The following PCDHGA8 variants were observed in gnomAD, a reference collection of about 807,000 sequenced individuals.
PCDHGA8 encodes the protein protocadherin gamma-A8.
In PCDHGA8, 45 loss-of-function variants were observed where a neutral mutation model predicts 59.2. The observed-to-expected ratio is 0.76, with a 90% CI of 0.60 to 0.98. The LOEUF (loss-of-function observed/expected upper bound fraction) is 0.98, where lower values mean the gene tolerates loss of function less well. Among genes scored for constraint, PCDHGA8 ranks in the 50% least tolerant of loss-of-function variants. The probability of loss-of-function intolerance (pLI) is 0.00; values close to 1 mark genes in which losing one functional copy is unlikely to be tolerated. For missense variants in PCDHGA8, 1,257 were observed against 1,196.2 expected, an observed-to-expected ratio of 1.05 and a Z score of -0.75; for synonymous variants, 531 against 519.0, an observed-to-expected ratio of 1.02 and a Z score of -0.32.
intron 1 of PCDHGA8, among the ~76,000 whole-genome samples, chr5:141,465,779 G>GT (rs879859429): frequency 0.017 from 2,504 of 144,598 alleles, 23 homozygotes; most frequent in Non-Finnish European, 0.024. Flanking sequence ...TCTTGTTACA[G>GT]TTTTTTTTTT....
At chr5:141,433,082 T>C in intron 1 of PCDHGA8, 1 of 1,614,188 alleles carries the variant, frequency 6.2e-7, no homozygotes. Flanking sequence ...CCAGCCCAAC[T>C]ATGCAGACAT....
chr5:141,493,206 C>A lies in PCDHGA8; in HGVS notation c.2425-1601C>A, dbSNP rs191090598. Among the ~76,000 whole-genome samples the A allele has an allele frequency of 2.4e-3, 368 of 152,322 alleles. 2 individuals carry two copies. Among genetic ancestry groups the A allele is most frequent in the Admixed American group, 4.5e-3 (69 of 15,296 alleles). On this transcript the variant is annotated intron_variant, in intron 1 of 3. Transcript: ENST00000398604. This position sits in a 1 kb window ranked among gnomAD's most constrained non-coding sequence, Gnocchi z 4.3. ...TATAACTCCTTTGAGAACCTCATCT[C>A]ATTTGCTCTTCCCACCATTGCTGTT...
intron 1 of PCDHGA8, chr5:141,413,798 AAG>A (rs914638812): frequency 2.7e-5 from 44 of 1,613,066 alleles, no homozygotes; most frequent in Non-Finnish European, 3.5e-5. Context: ...GATCGCGAGG[AAG>A]AGGCCATTCA....
chr5:141,511,560 T>C lies in PCDHGA8; in HGVS notation c.*387T>C. ...CCACCCCACTCCAACAGTTCCTCTT[T>C]CCCGAGTAAGGTGGTTGGGGTGTTG... On this transcript the variant is annotated 3_prime_UTR_variant, in exon 4 of 4. Coordinates refer to ENST00000398604, the MANE Select transcript of PCDHGA8 (RefSeq NM_032088.2). The C allele has an allele frequency of 3.3e-6, 1 of 298,990 alleles. No homozygotes were observed. The highest frequency in any genetic ancestry group is 3.7e-5 in the South Asian group (1 of 27,250). The allele number at this position is 298,990 out of a possible 1,614,324, so 18.5% of individuals were successfully genotyped here.
chr5:141,399,867 C>T (rs766258677), intron 1 of PCDHGA8: 17 of 1,612,738 alleles, frequency 1.1e-5, no homozygotes, highest in South Asian at 3.3e-5. Context: ...CTGCAGAGCC[C>T]GGCTACCTGG....
In PCDHGA8 at chr5:141,432,487, G is replaced by A; in HGVS notation, c.2424+37250G>A. On this transcript the variant is annotated intron_variant, in intron 1 of 3. Coordinates refer to ENST00000398604, the MANE Select transcript of PCDHGA8 (RefSeq NM_032088.2). This position sits in a 1 kb window ranked among gnomAD's most constrained non-coding sequence, Gnocchi z 6.0. ...CCACGGACGGTTCCACTGGCGTGGA[G>A]CTGGCTCCCCGCTCCGCAGAGCCCG... 1.2e-6 allele frequency: 2 copies of A among 1,614,208 alleles called. No homozygotes were observed. The highest frequency in any genetic ancestry group is 2.2e-5 in the East Asian group (1 of 44,874).
At chr5:141,463,844 G>T (rs545618795) in intron 1 of PCDHGA8, among the ~76,000 whole-genome samples, 1 of 152,140 alleles carries the variant, frequency 6.6e-6, no homozygotes, top group African/African-American at 2.4e-5. Context: ...AGTTGTTATA[G>T]TGGTATATCT....
intron 1 of PCDHGA8, chr5:141,410,847 G>GTTTTTTT (rs773839667): frequency 8.8e-5 from 14 of 158,320 alleles, no homozygotes; most frequent in African/African-American, 4.2e-4. Flanking sequence ...TTTTGTCTTT[G>GTTTTTTT]TCTTTTTTTT....
At chr5:141,469,081 A>C (rs1451214440) in intron 1 of PCDHGA8, among the ~76,000 whole-genome samples, 1 of 151,790 alleles carries the variant, frequency 6.6e-6, no homozygotes, top group Non-Finnish European at 1.5e-5. Context: ...GTTTGAGACC[A>C]TTCTAGGCAA....
intron 1 of PCDHGA8, among the ~76,000 whole-genome samples, chr5:141,445,119 T>C (rs975225604): frequency 1.3e-5 from 2 of 152,270 alleles, no homozygotes; most frequent in African/African-American, 4.8e-5. Context: ...TTGTAAATAG[T>C]ATTTTTAAAA....
Position 141,431,655 on chromosome 5 carries a change from G to A in PCDHGA8, c.2424+36418G>A, listed in dbSNP as rs199998405. On this transcript the variant is annotated intron_variant, in intron 1 of 3. Transcript: ENST00000398604. This position sits in a 1 kb window ranked among gnomAD's most constrained non-coding sequence, Gnocchi z 4.8. Reference sequence around the variant, plus strand: ...GTTTTCAAACTAGATTGTAATTCAGGGACAATATCAACAATAGGGGAGTTG... The same window carrying A: ...GTTTTCAAACTAGATTGTAATTCAGAGACAATATCAACAATAGGGGAGTTG... 52 of 1,614,208 alleles carry A rather than the reference G, an allele frequency of 3.2e-5. No individual in the cohort carries two copies. The highest frequency in any genetic ancestry group is 3.3e-4 in the Middle Eastern group (2 of 6,062).
rs768635851 is a variant in PCDHGA8 at position 141,489,334 on chromosome 5, C to G, written c.2425-5473C>G. 2 of 1,606,614 alleles carry G rather than the reference C, an allele frequency of 1.2e-6. No individual in the cohort carries two copies. Among genetic ancestry groups the G allele is most frequent in the Non-Finnish European group, 1.7e-6 (2 of 1,175,584 alleles). On this transcript the variant is annotated intron_variant, in intron 1 of 3. Coordinates refer to ENST00000398604, the MANE Select transcript of PCDHGA8 (RefSeq NM_032088.2). The surrounding 1 kb of genome is among the most constrained non-coding windows in gnomAD (Gnocchi z 4.5). Reference sequence around the variant, plus strand: ...CTGGGGCTGGGTGTCTGGGCAGCTTCGTTACTCAGTGGTGGAGGAGTCTGA... The same window carrying G: ...CTGGGGCTGGGTGTCTGGGCAGCTTGGTTACTCAGTGGTGGAGGAGTCTGA...
chr5:141,422,382 T>C (rs1390444026), intron 1 of PCDHGA8: 5 of 1,585,154 alleles, frequency 3.2e-6, no homozygotes, highest in Admixed American at 1.8e-5. Context: ...AAGTCTCCTG[T>C]TTTATTCCTA....
rs1421124374 is a variant in PCDHGA8, at chr5:141,431,186, A to G, written c.2424+35949A>G. The G allele has an allele frequency of 1.9e-6, 3 of 1,614,110 alleles. No individual in the cohort carries two copies. ...TGAAAGTGAATTAGAAATAAAAATT[A>G]GTGAAAATGCAGCCACTGAGATGCG... On this transcript the variant is annotated intron_variant, in intron 1 of 3. Transcript: ENST00000398604. This position sits in a 1 kb window ranked among gnomAD's most constrained non-coding sequence, Gnocchi z 4.8.
At chr5:141,465,338 G>C (rs908157154) in intron 1 of PCDHGA8, among the ~76,000 whole-genome samples, 6 of 151,962 alleles carry the variant, frequency 3.9e-5, no homozygotes, top group Admixed American at 2.6e-4. Context: ...TTTTATATTG[G>C]TTACTGAAGA....
At chr5:141,399,652 G>A in intron 1 of PCDHGA8, 1 of 1,613,758 alleles carries the variant, frequency 6.2e-7, no homozygotes, top group Non-Finnish European at 8.5e-7. Flanking sequence ...GCAAAGTGGG[G>A]TGGTGTTCGC....
At chr5:141,508,123 G>A (rs989767852) in intron 3 of PCDHGA8, 1 of 152,616 alleles carries the variant, frequency 6.6e-6, no homozygotes, top group Non-Finnish European at 1.5e-5. Context: ...GAGGACAGAG[G>A]GAGGTCAGGG....
chr5:141,502,825 G>A (rs1487995525), intron 2 of PCDHGA8, among the ~76,000 whole-genome samples: 4 of 151,216 alleles, frequency 2.6e-5, no homozygotes, highest in South Asian at 2.1e-4. Flanking sequence ...TTTCCTTGGG[G>A]AAGCCTGGAC....
intron 1 of PCDHGA8, chr5:141,430,865 C>G: frequency 6.3e-7 from 1 of 1,595,350 alleles, no homozygotes; most frequent in Non-Finnish European, 8.5e-7. Flanking sequence ...CTATTCAGTT[C>G]CGGAAGAGCT....
Sources: allele counts gnomAD v4.1 joint callset (sites outside exome capture counted in the v4.1 genomes callset), GRCh38; gene constraint gnomAD v4.1.1; non-coding constraint Gnocchi (gnomAD v3.1); transcripts MANE v1.5; gene names NCBI Gene and HGNC (gene_info 2026-07-23, HGNC 2026-07-21).